The following IPO11 variants were observed in gnomAD, a reference collection of about 807,000 sequenced individuals.
The protein encoded by IPO11 is importin-11.
In IPO11, 66 loss-of-function variants were observed where a neutral mutation model predicts 143.2. That is an observed-to-expected ratio of 0.46 (90% CI 0.38 to 0.57). The LOEUF (loss-of-function observed/expected upper bound fraction) is 0.57. Among genes scored for constraint, IPO11 ranks in the 20% least tolerant of loss-of-function variants. The pLI, the probability that IPO11 is intolerant of heterozygous loss-of-function variation, is 0.00. For missense variants in IPO11, 1,026 were observed against 1,141.0 expected (o/e 0.90, Z 1.45); for synonymous variants, 385 against 377.8 (o/e 1.02, Z -0.22).
Position 62,627,424 on chromosome 5 carries a change from A to C in IPO11, c.*106A>C. On this transcript the variant is annotated 3_prime_UTR_variant, in exon 30 of 30. Transcript: ENST00000325324. ...GAGATGAAGAAATCACTTCATGAAA[A>C]TAAGCAAAGACCACACATTTTTTAC... 1 of 1,059,348 alleles carries C rather than the reference A, an allele frequency of 9.4e-7. No homozygotes were observed. Among genetic ancestry groups the C allele is most frequent in the African/African-American group, 1.6e-5 (1 of 63,376 alleles). 65.6% of individuals were successfully genotyped at this position (1,059,348 alleles called of 1,614,324 possible). A position where few individuals can be genotyped will look rare whatever the true frequency, so the allele number is the denominator to read the frequency against.
intron 29 of IPO11, among the ~76,000 whole-genome samples, chr5:62,625,592 C>T (rs1168665172): frequency 1.3e-5 from 2 of 152,154 alleles, no homozygotes; most frequent in African/African-American, 4.8e-5. Flanking sequence ...TGATCACATA[C>T]TTTCTTAGAA....
intron 5 of IPO11, 38 bp from the exon 6 acceptor site, chr5:62,467,093 A>C: frequency 6.3e-7 from 1 of 1,577,434 alleles, no homozygotes; most frequent in Non-Finnish European, 8.6e-7. Flanking sequence ...TGAAATGTAT[A>C]ATACACTATG....
chr5:62,616,719 CAA>C (rs538760503), intron 29 of IPO11, among the ~76,000 whole-genome samples: 65 of 84,430 alleles, frequency 7.7e-4, no homozygotes, highest in African/African-American at 3.2e-3. Flanking sequence ...GACTCTGACT[CAA>C]AAAAAAAAAA....
intron 2 of IPO11, among the ~76,000 whole-genome samples, chr5:62,438,973 G>C (rs1197947472): frequency 6.6e-6 from 1 of 151,454 alleles, no homozygotes; most frequent in Admixed American, 6.6e-5. Context: ...GCAGGAGAAT[G>C]GTGTGAACCC....
At chr5:62,594,485 A>T (rs1293045253) in intron 28 of IPO11, among the ~76,000 whole-genome samples, 1 of 152,206 alleles carries the variant, frequency 6.6e-6, no homozygotes, top group Non-Finnish European at 1.5e-5. Flanking sequence ...TTCCTCATCC[A>T]GTCAGTTTTA....
chr5:62,593,007 T>C (rs936808782), intron 28 of IPO11, among the ~76,000 whole-genome samples: 5 of 152,188 alleles, frequency 3.3e-5, no homozygotes, highest in Non-Finnish European at 7.3e-5. Flanking sequence ...GTGAAACATT[T>C]AGGATATGAT....
chr5:62,420,033 G>C (rs1236771521), intron 1 of IPO11, among the ~76,000 whole-genome samples: 1 of 152,116 alleles, frequency 6.6e-6, no homozygotes, highest in Non-Finnish European at 1.5e-5. Context: ...GCTCACGCCT[G>C]TAATCTTAGC....
At chr5:62,624,559 A>G (rs6893483) in intron 29 of IPO11, among the ~76,000 whole-genome samples, 123,878 of 152,042 alleles carry the variant, frequency 0.81, 51,185 homozygotes, top group African/African-American at 0.95. Flanking sequence ...ACCGCAACCT[A>G]TCTTATCAGC....
intron 20 of IPO11, among the ~76,000 whole-genome samples, 153 bp from the exon 21 acceptor site, chr5:62,525,989 C>G (rs1742358324): frequency 6.6e-6 from 1 of 152,046 alleles, no homozygotes; most frequent in Non-Finnish European, 1.5e-5. Context: ...ATAAACAGAA[C>G]TTTGTTTTGC....
chr5:62,481,836 A>G (rs1015900025), intron 9 of IPO11, among the ~76,000 whole-genome samples: 39 of 151,994 alleles, frequency 2.6e-4, no homozygotes, highest in African/African-American at 8.2e-4. Context: ...CTCTTTTTCT[A>G]TTGATTGGAA....
At chr5:62,550,608 G>A in intron 25 of IPO11, 146 bp downstream of exon 25, 2 of 530,614 alleles carry the variant, frequency 3.8e-6, no homozygotes, top group South Asian at 3.6e-5. Context: ...AGACACCTTT[G>A]CCTTTTCCTG....
At chr5:62,417,937 C>CCT (rs1364436832) in intron 1 of IPO11, among the ~76,000 whole-genome samples, 3 of 152,146 alleles carry the variant, frequency 2.0e-5, no homozygotes, top group Non-Finnish European at 2.9e-5. Flanking sequence ...TGTAACCCCT[C>CCT]CTCCAACTCT....
chr5:62,455,601 C>A (rs1745111334), intron 5 of IPO11, among the ~76,000 whole-genome samples: 1 of 152,194 alleles, frequency 6.6e-6, no homozygotes, highest in Non-Finnish European at 1.5e-5. Flanking sequence ...CTTAAAATTG[C>A]TACCTGCGGC....
intron 27 of IPO11, chr5:62,578,661 C>A (rs781187785): frequency 2.1e-6 from 1 of 466,006 alleles, no homozygotes; most frequent in Non-Finnish European, 4.4e-6. Flanking sequence ...TTCCGTTCAG[C>A]AATACTTTTG....
At chr5:62,473,800 A>G (rs1745867252) in intron 7 of IPO11, among the ~76,000 whole-genome samples, 1 of 152,096 alleles carries the variant, frequency 6.6e-6, no homozygotes, top group African/African-American at 2.4e-5. Flanking sequence ...TATTCAAAAC[A>G]TATCTTAGAA....
At chr5:62,537,885 CT>C (rs1355589701) in intron 24 of IPO11, among the ~76,000 whole-genome samples, 4 of 151,870 alleles carry the variant, frequency 2.6e-5, no homozygotes, top group Admixed American at 2.6e-4. Flanking sequence ...ATTAAAATAT[CT>C]TTATGTATGG....
chr5:62,621,490 C>T (rs907515887), intron 29 of IPO11, among the ~76,000 whole-genome samples: 2 of 152,272 alleles, frequency 1.3e-5, no homozygotes, highest in East Asian at 1.9e-4. Flanking sequence ...TGTCCTCCCA[C>T]GGAGCAGGCG....
At chr5:62,420,911 A>T (rs1488810808) in intron 1 of IPO11, among the ~76,000 whole-genome samples, 1 of 152,220 alleles carries the variant, frequency 6.6e-6, no homozygotes, top group African/African-American at 2.4e-5. Context: ...TCCTGGTCAT[A>T]GAATACACAA....
intron 5 of IPO11, among the ~76,000 whole-genome samples, chr5:62,464,469 T>A (rs151184616): frequency 6.7e-6 from 1 of 149,376 alleles, no homozygotes; most frequent in Non-Finnish European, 1.5e-5. Context: ...GTTTTCTTCG[T>A]TTTTTTTTGT....
Sources: gnomAD v4.1 joint callset for allele counts (sites outside exome capture counted in the v4.1 genomes callset) on GRCh38, gnomAD v4.1.1 for gene constraint, MANE v1.5 for transcripts, NCBI Gene and HGNC (gene_info 2026-07-23, HGNC 2026-07-21) for gene names.